Variants in MEGF6 observed in about 807,000 individuals in gnomAD.
MEGF6 encodes the protein multiple epidermal growth factor-like domains protein 6.
MEGF6 carries 184 observed loss-of-function variants against 207.1 expected under a neutral mutation model. That is an observed-to-expected ratio of 0.89 (90% CI 0.79 to 1.00). The LOEUF (loss-of-function observed/expected upper bound fraction) is 1.00. Ranked by LOEUF, MEGF6 falls within the 50% of genes least tolerant of loss-of-function variation. The probability of loss-of-function intolerance (pLI) is 0.00; values close to 1 mark genes in which losing one functional copy is unlikely to be tolerated. For synonymous variants in MEGF6, 1,038 were observed against 910.0 expected (o/e 1.14, Z -2.53); for missense variants, 2,282 against 2,202.9 (o/e 1.04, Z -0.72).
chr1:3,544,287 CCAGCCTG>C (rs1642633113), intron 4 of MEGF6, among the ~76,000 whole-genome samples: 2 of 152,208 alleles, frequency 1.3e-5, no homozygotes, highest in African/African-American at 4.8e-5. Context: ...ATCACAGCAG[CCAGCCTG>C]ACCAGGCTCT....
rs1643568397 is a variant in MEGF6 at position 3,573,604 on chromosome 1, C to T, written c.481+6221G>A. On this transcript the variant is annotated intron_variant, in intron 4 of 36. Coordinates refer to ENST00000356575, the MANE Select transcript of MEGF6 (RefSeq NM_001409.4). The surrounding 1 kb of genome is among the most constrained non-coding windows in gnomAD (Gnocchi z 5.1). ...GCAGGACCAGAGACAGCCCCAGCTC[C>T]AGCTCCAGCCAGGGAGTGCACAACA... 6.6e-6 allele frequency among the ~76,000 whole-genome samples: 1 copy of T among 152,192 alleles called. No homozygotes were observed. The highest frequency in any genetic ancestry group is 6.5e-5 in the Admixed American group (1 of 15,292).
rs145460677 is a variant in MEGF6 at position 3,584,503 on chromosome 1, G to A, written c.377-4574C>T. On this transcript the variant is annotated intron_variant, in intron 3 of 36. Transcript: ENST00000356575. ...CCACCCTGGCTCTCCAAAGGTGATC[G>A]CTGGAGCAGGGGCAGTGCACCCAGA... Among the ~76,000 whole-genome samples, 608 of 152,320 alleles carry A rather than the reference G, an allele frequency of 4.0e-3. 1 individual carries two copies. The highest frequency in any genetic ancestry group is 9.1e-3 in the Admixed American group (139 of 15,304).
In MEGF6 at chr1:3,505,442, C is replaced by T. The variant is rs764656229; in HGVS notation, c.2033G>A (p.Arg678Gln). ...CTCACCTGCCTGACAGCGCTCGCCC[C>T]GGAAGCCAGCCTTGCAGGAGCAGCT... ...DGSCSCKAGF[R>Q]GERCQAECEL... The change falls in exon 16 of 37, where the codon CGG (arginine) becomes CAG (glutamine). Residue 678 changes from arginine (R) to glutamine (Q), a missense_variant. Arg to Gln is a conservative substitution (Grantham distance 43). Coordinates refer to ENST00000356575, the MANE Select transcript of MEGF6 (RefSeq NM_001409.4). 22 of 1,611,156 alleles carry T rather than the reference C, an allele frequency of 1.4e-5. No homozygotes were observed. In the African/African-American group the frequency reaches 2.3e-4, roughly 17 times the overall value.
intron 26 of MEGF6, chr1:3,497,694 G>T: frequency 2.1e-6 from 1 of 486,778 alleles, no homozygotes; most frequent in Non-Finnish European, 3.8e-6. Context: ...CGAAGGAGCC[G>T]GGAGACAGCA....
chr1:3,493,608 G>T, intron 34 of MEGF6, 163 bp downstream of exon 34: 1 of 964,554 alleles, frequency 1.0e-6, no homozygotes, highest in South Asian at 1.7e-5. Flanking sequence ...GCATGTCCCA[G>T]CAGCTGACTC....
At chr1:3,491,336 C>G (rs903061256) in intron 35 of MEGF6, among the ~76,000 whole-genome samples, 1 of 152,076 alleles carries the variant, frequency 6.6e-6, no homozygotes, top group Non-Finnish European at 1.5e-5. Context: ...GCACTGCCCC[C>G]GGCACCCGGC....
At chr1:3,521,508 C>T (rs550385719) in intron 5 of MEGF6, among the ~76,000 whole-genome samples, 51 of 152,294 alleles carry the variant, frequency 3.3e-4, no homozygotes, top group Non-Finnish European at 6.0e-4. Flanking sequence ...CATCCCAGGC[C>T]GGCGTCTCAG....
In MEGF6 at chr1:3,507,821, C is replaced by G; in HGVS notation, c.1763G>C (p.Gly588Ala). ...ATCCTCACAGTTAGTTCCACTGACA[C>G]CCGGGGGGCAGCGGCAGGCCCCCGT... ...SVTGACRCPPGVSGTNCEDGC... is the reference protein window; with the variant it reads ...SVTGACRCPPAVSGTNCEDGC... Residue 588 changes from glycine (G) to alanine (A), a missense_variant, in exon 14 of 37, where the codon GGT becomes GCT. Gly to Ala is a moderately conservative substitution (Grantham distance 60, BLOSUM62 0). Transcript: ENST00000356575. 2 of 1,612,856 alleles carry G rather than the reference C, an allele frequency of 1.2e-6. No homozygotes were observed. The highest frequency in any genetic ancestry group is 1.7e-6 in the Non-Finnish European group (2 of 1,179,938).
At position 3,565,222 on chromosome 1, in the gene MEGF6, T is replaced by C. The variant is rs1643311331; in HGVS notation, c.481+14603A>G. ...CACTGTGTCCCCGAGGCCTGGGCAG[T>C]TGGGCGTCCCCAGGCGCCTCCTTGT... On this transcript the variant is annotated intron_variant, in intron 4 of 36. Coordinates refer to ENST00000356575, the MANE Select transcript of MEGF6 (RefSeq NM_001409.4). The surrounding 1 kb of genome is among the most constrained non-coding windows in gnomAD (Gnocchi z 4.8). 1.3e-5 allele frequency among the ~76,000 whole-genome samples: 2 copies of C among 151,988 alleles called. No individual in the cohort carries two copies. The highest frequency in any genetic ancestry group is 4.2e-4 in the South Asian group (2 of 4,808).
intron 35 of MEGF6, among the ~76,000 whole-genome samples, 174 bp from the exon 36 acceptor site, chr1:3,491,133 G>A (rs543354756): frequency 4.6e-5 from 7 of 152,010 alleles, no homozygotes; most frequent in Admixed American, 6.5e-5. Context: ...GGAGCTGGGG[G>A]GGGGGGCTCT....
At chr1:3,524,092 G>A (rs1641867641) in intron 5 of MEGF6, 32 bp downstream of exon 5, 8 of 1,605,104 alleles carry the variant, frequency 5.0e-6, no homozygotes, top group Non-Finnish European at 6.8e-6. Context: ...CTGAAGCCAG[G>A]AGCCCAGGCA....
rs28709397 is a variant in MEGF6 at position 3,531,311 on chromosome 1, G to A, written c.482-7065C>T. 5.6e-5 allele frequency: 69 copies of A among 1,241,994 alleles called. No homozygotes were observed. In the African/African-American group the frequency reaches 9.6e-4, roughly 17 times the overall value. The allele number at this position is 1,241,994 out of a possible 1,614,324, so 76.9% of individuals were successfully genotyped here. A position where few individuals can be genotyped will look rare whatever the true frequency, so the allele number is the denominator to read the frequency against. On this transcript the variant is annotated intron_variant, in intron 4 of 36. Transcript: ENST00000356575. The stretch of plus-strand genomic sequence containing the variant: ...CGCGCTGCGCCCTAAGCCGGCGGCC[G>A]GGCGACGGGGCAGGCGGCTCGGGCT...
chr1:3,511,950 G>A, intron 8 of MEGF6, 56 bp downstream of exon 8: 1 of 1,609,274 alleles, frequency 6.2e-7, no homozygotes, highest in South Asian at 1.1e-5. Context: ...TCGGGGTCCT[G>A]GGGAGCAGCA....
In MEGF6 at chr1:3,494,425, C is replaced by T; in HGVS notation, c.4075G>A (p.Ala1359Thr). Residue 1359 changes from alanine (A) to threonine (T), a missense_variant, in exon 32 of 37, where the codon GCC becomes ACC. Ala to Thr is a moderately conservative substitution (Grantham distance 58). Transcript: ENST00000356575. The stretch of plus-strand genomic sequence containing the variant: ...GGGCCGCAGCGGCAGGTGCCCGTGG[C>T]AGGCTCACACGTGCTGTTGTTGTGG... ...SCHNNSTCEP[A>T]TGTCRCGPGF... The T allele has an allele frequency of 6.4e-7, 1 of 1,550,870 alleles. No individual in the cohort carries two copies.
At chr1:3,508,509 G>A in intron 13 of MEGF6, 49 bp downstream of exon 13, 1 of 1,589,476 alleles carries the variant, frequency 6.3e-7, no homozygotes, top group Non-Finnish European at 8.6e-7. Flanking sequence ...CCAGGTCTTG[G>A]GGCTCAGAGG....
upstream of MEGF6, among the ~76,000 whole-genome samples, chr1:3,613,922 C>G (rs562042959): frequency 2.0e-5 from 3 of 152,174 alleles, no homozygotes; most frequent in East Asian, 5.8e-4. Flanking sequence ...GCTCTCCTGT[C>G]CCAGGCATTG....
chr1:3,536,339 G>C (rs74050571), intron 4 of MEGF6, among the ~76,000 whole-genome samples: 3,249 of 150,870 alleles, frequency 0.022, 133 homozygotes, highest in African/African-American at 0.075. Context: ...ATGGCTCTGG[G>C]GTACGGGGGC....
At chr1:3,534,513 G>GT (rs1311072911) in intron 4 of MEGF6, among the ~76,000 whole-genome samples, 1 of 152,178 alleles carries the variant, frequency 6.6e-6, no homozygotes, top group Non-Finnish European at 1.5e-5. Context: ...TTCCCCATCT[G>GT]TAACACTAGC....
At position 3,507,966 on chromosome 1, in the gene MEGF6, C is replaced by T. The variant is rs200512594; in HGVS notation, c.1661-43G>A. ...GAAGCGTCAGGGTCACCAGCCAGCA[C>T]GACACTCTGAGACCCCTTCCTAGGG... On this transcript the variant is annotated intron_variant, in intron 13 of 36. Transcript: ENST00000356575. 116 of 1,591,832 alleles carry T rather than the reference C, an allele frequency of 7.3e-5. No individual in the cohort carries two copies. In the East Asian group the frequency reaches 9.2e-4, roughly 13 times the overall value.
Sources: allele counts gnomAD v4.1 joint callset (sites outside exome capture counted in the v4.1 genomes callset), GRCh38; gene constraint gnomAD v4.1.1; non-coding constraint Gnocchi (gnomAD v3.1); transcripts MANE v1.5; gene names NCBI Gene and HGNC (gene_info 2026-07-23, HGNC 2026-07-21).